Variants in CNTN4 observed in about 807,000 individuals in gnomAD.
CNTN4 encodes the protein contactin 4, also known as contactin-4.
CNTN4 carries 77 observed loss-of-function variants against 122.5 expected under a neutral mutation model. The observed-to-expected ratio is 0.63, with a 90% CI of 0.52 to 0.76. The LOEUF is 0.76. Ranked by LOEUF, CNTN4 falls within the 30% of genes least tolerant of loss-of-function variation. The pLI, the probability that CNTN4 is intolerant of heterozygous loss-of-function variation, is 0.00. For missense variants in CNTN4, 1,256 were observed against 1,259.1 expected (o/e 1.00, Z 0.04); for synonymous variants, 512 against 447.0 (o/e 1.15, Z -1.83).
At chr3:2,191,291 C>T (rs1178020933) in intron 2 of CNTN4, among the ~76,000 whole-genome samples, 1 of 150,836 alleles carries the variant, frequency 6.6e-6, no homozygotes. Flanking sequence ...ACATAGAACT[C>T]AACTACCAGA....
At chr3:2,197,999 A>T (rs1322685605) in intron 2 of CNTN4, among the ~76,000 whole-genome samples, 1 of 150,388 alleles carries the variant, frequency 6.6e-6, no homozygotes, top group Non-Finnish European at 1.5e-5. Flanking sequence ...TGGGCAACAG[A>T]GGAACAGAGG....
At chr3:2,706,136 C>G (rs944211862) in intron 4 of CNTN4, among the ~76,000 whole-genome samples, 1 of 150,496 alleles carries the variant, frequency 6.6e-6, no homozygotes, top group Admixed American at 6.7e-5. Context: ...AGCAGAATAG[C>G]CAAATGACTA....
At chr3:2,326,451 C>T (rs2150249904) in intron 2 of CNTN4, among the ~76,000 whole-genome samples, 1 of 150,872 alleles carries the variant, frequency 6.6e-6, no homozygotes, top group African/African-American at 2.4e-5. Context: ...TGTCAGCCTC[C>T]TTAATTGTGT....
At chr3:2,401,228 G>A (rs578222394) in intron 3 of CNTN4, among the ~76,000 whole-genome samples, 1 of 152,086 alleles carries the variant, frequency 6.6e-6, no homozygotes, top group Non-Finnish European at 1.5e-5. Flanking sequence ...AGAACATTTT[G>A]TTCATTCCAC....
At chr3:2,717,654 C>A (rs1181648355) in intron 4 of CNTN4, among the ~76,000 whole-genome samples, 1 of 152,126 alleles carries the variant, frequency 6.6e-6, no homozygotes, top group Non-Finnish European at 1.5e-5. Flanking sequence ...TTCGGGGACT[C>A]CTAACACAAG....
intron 3 of CNTN4, among the ~76,000 whole-genome samples, chr3:2,437,674 C>A (rs1431294094): frequency 2.0e-5 from 3 of 152,186 alleles, no homozygotes; most frequent in Non-Finnish European, 4.4e-5. Context: ...CTGGCCTGGG[C>A]TCTGAAGCCA....
At chr3:2,632,112 A>G (rs1231870218) in intron 4 of CNTN4, among the ~76,000 whole-genome samples, 1 of 151,890 alleles carries the variant, frequency 6.6e-6, no homozygotes, top group African/African-American at 2.4e-5. Context: ...ATGTATATAT[A>G]TATATAAACT....
chr3:2,255,700 A>G (rs1299295024), intron 2 of CNTN4, among the ~76,000 whole-genome samples: 1 of 152,210 alleles, frequency 6.6e-6, no homozygotes, highest in African/African-American at 2.4e-5. Flanking sequence ...TGGGTAAATA[A>G]CGAAATTAAG....
chr3:2,228,378 A>C (rs554207390), intron 2 of CNTN4, among the ~76,000 whole-genome samples: 1 of 152,150 alleles, frequency 6.6e-6, no homozygotes, highest in South Asian at 2.1e-4. Context: ...CTTTATTGGG[A>C]CACAGTCTCA....
chr3:2,601,350 C>T (rs976040775), intron 4 of CNTN4, among the ~76,000 whole-genome samples: 2 of 152,118 alleles, frequency 1.3e-5, no homozygotes, highest in African/African-American at 2.4e-5. Context: ...AAATTTAAGT[C>T]GTTAATCCAT....
intron 4 of CNTN4, among the ~76,000 whole-genome samples, chr3:2,723,513 C>T (rs2087998954): frequency 6.6e-6 from 1 of 152,132 alleles, no homozygotes; most frequent in Admixed American, 6.5e-5. Context: ...AGGTGGCACC[C>T]TGTTATTGCG....
chr3:2,466,664 G>A (rs2075508243), intron 3 of CNTN4, among the ~76,000 whole-genome samples: 1 of 151,932 alleles, frequency 6.6e-6, no homozygotes, highest in African/African-American at 2.4e-5. Context: ...ATTTTAAGGG[G>A]GTGTCATACA....
At chr3:2,352,552 G>A (rs1049365417) in intron 3 of CNTN4, among the ~76,000 whole-genome samples, 3 of 152,210 alleles carry the variant, frequency 2.0e-5, no homozygotes, top group East Asian at 1.9e-4. Context: ...GGGCGGAGGG[G>A]ATGCCAGGTT....
chr3:2,245,968 C>T (rs1280034035), intron 2 of CNTN4, among the ~76,000 whole-genome samples: 1 of 152,010 alleles, frequency 6.6e-6, no homozygotes, highest in Admixed American at 6.6e-5. Context: ...AGAGATACAT[C>T]TGTGTGCACA....
At chr3:2,470,208 C>G (rs973761133) in intron 3 of CNTN4, among the ~76,000 whole-genome samples, 4 of 152,070 alleles carry the variant, frequency 2.6e-5, no homozygotes, top group African/African-American at 9.7e-5. Context: ...TCCTGAGTAG[C>G]TGAGATTACA....
chr3:2,654,199 C>T (rs1161786779), intron 4 of CNTN4, among the ~76,000 whole-genome samples: 3 of 152,120 alleles, frequency 2.0e-5, no homozygotes, highest in Non-Finnish European at 4.4e-5. Flanking sequence ...CTGGAAATAC[C>T]ATTGAAAAAA....
intron 2 of CNTN4, among the ~76,000 whole-genome samples, chr3:2,160,818 C>T (rs2035935169): frequency 6.6e-6 from 1 of 152,134 alleles, no homozygotes; most frequent in Non-Finnish European, 1.5e-5. Flanking sequence ...TTCCATTCGT[C>T]ACATTTGGTC....
chr3:2,582,382 A>G (rs767359481), intron 4 of CNTN4, among the ~76,000 whole-genome samples: 71 of 151,968 alleles, frequency 4.7e-4, no homozygotes, highest in Admixed American at 2.7e-3. Context: ...TCAGATTCCA[A>G]GTTTCCCAAA....
In CNTN4 at chr3:2,394,744, C is replaced by T. The variant is rs1391424715; in HGVS notation, c.-89+55511C>T. 3.3e-5 allele frequency among the ~76,000 whole-genome samples: 5 copies of T among 149,486 alleles called. No homozygotes were observed. In the East Asian group the frequency reaches 9.8e-4, roughly 29 times the overall value. On this transcript the variant is annotated intron_variant, in intron 3 of 24. Coordinates refer to ENST00000418658, the MANE Select transcript of CNTN4 (RefSeq NM_175607.3). ...ATGTTTGTACACAAAGGAGTTTTTCCAAGAGAATTGAAAACATGTCTACAA... is the reference window on the plus strand; with the variant it reads ...ATGTTTGTACACAAAGGAGTTTTTCTAAGAGAATTGAAAACATGTCTACAA...
Sources: allele counts gnomAD v4.1 joint callset (sites outside exome capture counted in the v4.1 genomes callset), GRCh38; gene constraint gnomAD v4.1.1; transcripts MANE v1.5; gene names NCBI Gene and HGNC (gene_info 2026-07-23, HGNC 2026-07-21).